The following MPP2 variants were observed in gnomAD, a reference collection of about 807,000 sequenced individuals.
The protein encoded by MPP2 is MAGUK p55 subfamily member 2.
A neutral mutation model predicts 58.5 loss-of-function variants in MPP2; 42 were observed. The observed-to-expected ratio is 0.72, with a 90% CI of 0.56 to 0.93. MPP2 has a LOEUF of 0.93. Ranked by LOEUF, MPP2 falls within the 40% of genes least tolerant of loss-of-function variation. The probability of loss-of-function intolerance (pLI) is 0.00; values close to 1 mark genes in which losing one functional copy is unlikely to be tolerated. For synonymous variants in MPP2, 300 were observed against 307.8 expected, an observed-to-expected ratio of 0.97 and a Z score of 0.26; for missense variants, 632 against 760.4, an observed-to-expected ratio of 0.83 and a Z score of 1.99.
chr17:43,879,727 A>G lies in MPP2; in HGVS notation c.1353+55T>C, dbSNP rs139554714. The G allele has an allele frequency of 1.2e-4, 191 of 1,587,112 alleles. No homozygotes were observed. In the African/African-American group the frequency reaches 2.3e-3, roughly 19 times the overall value. On this transcript the variant is annotated intron_variant, in intron 11 of 12. Coordinates refer to ENST00000269095, the MANE Select transcript of MPP2 (RefSeq NM_005374.5). The surrounding 1 kb of genome is among the most constrained non-coding windows in gnomAD (Gnocchi z 4.1). ...GGTGTCTGGAACTATATGGGGGAGC[A>G]ATGAGGCAGCAGAGAGGACATTGGG... is the stretch of plus-strand genomic sequence containing the variant.
chr17:43,905,545 G>C (rs1239022583), intron 1 of MPP2: 2 of 152,374 alleles, frequency 1.3e-5, no homozygotes, highest in African/African-American at 4.8e-5. Context: ...GAGGGCAGGG[G>C]GTTACCCCCC....
At chr17:43,906,298 C>T (rs1449947835) in intron 1 of MPP2, 1 of 225,928 alleles carries the variant, frequency 4.4e-6, no homozygotes, top group East Asian at 1.9e-4. Context: ...CCGTCCAAGC[C>T]TCTGAGAGGG....
chr17:43,882,794 G>A, intron 5 of MPP2, 109 bp downstream of exon 5: 1 of 1,494,956 alleles, frequency 6.7e-7, no homozygotes, highest in East Asian at 2.3e-5. Context: ...GCACAAAGCT[G>A]GCCCCATCTT....
chr17:43,904,597 A>G, intron 1 of MPP2, 104 bp from the exon 2 acceptor site: 1 of 937,018 alleles, frequency 1.1e-6, no homozygotes, highest in South Asian at 1.5e-5. Flanking sequence ...GTAGGGGAGA[A>G]GGTGCTGCCC....
upstream of MPP2, chr17:43,908,031 G>C: frequency 1.1e-6 from 1 of 948,548 alleles, no homozygotes; most frequent in Non-Finnish European, 1.3e-6. Flanking sequence ...GACTCAGAGG[G>C]TGGATATCCG....
rs1187105142 is a variant in MPP2, at chr17:43,882,296, A to C, written c.669T>G (p.His223Gln). Reference protein sequence around the residue: ...LKILPSYQEPHLPRQVFVKCH... With the variant: ...LKILPSYQEPQLPRQVFVKCH... ...GTGAGGGGCCCACCTGGCGGGGCAG[A>C]TGGGGCTCCTGGTAGCTGGGCAGGA... Residue 223 changes from histidine (H) to glutamine (Q), a missense_variant, in exon 6 of 13, where the codon CAT (histidine) becomes CAG (glutamine). By Grantham distance (24) the His-to-Gln change is conservative. Transcript: ENST00000269095. 6.2e-7 allele frequency: 1 copy of C among 1,610,746 alleles called. No homozygotes were observed. Among genetic ancestry groups the C allele is most frequent in the Non-Finnish European group, 8.5e-7 (1 of 1,179,460 alleles).
upstream of MPP2, chr17:43,909,550 C>A: frequency 2.1e-6 from 3 of 1,456,260 alleles, no homozygotes; most frequent in East Asian, 2.7e-5. Flanking sequence ...ACCTCCATAG[C>A]GACCCACATC....
Position 43,879,686 on chromosome 17 carries a change from G to C in MPP2, c.1353+96C>G, listed in dbSNP as rs534962852. ...AGTTGAGGGCAAAGGGGGTACATGG[G>C]CGTGTTCAGGTGACAGGTGTCTGGA... is the stretch of plus-strand genomic sequence containing the variant. On this transcript the variant is annotated intron_variant, in intron 11 of 12. Coordinates refer to ENST00000269095, the MANE Select transcript of MPP2 (RefSeq NM_005374.5). This position sits in a 1 kb window ranked among gnomAD's most constrained non-coding sequence, Gnocchi z 4.1. 3 of 1,378,370 alleles carry C rather than the reference G, an allele frequency of 2.2e-6. No homozygotes were observed. Among genetic ancestry groups the C allele is most frequent in the South Asian group, 1.3e-5 (1 of 79,402 alleles). The allele number at this position is 1,378,370 out of a possible 1,614,324, so 85.4% of individuals were successfully genotyped here.
Position 43,882,480 on chromosome 17 carries a change from A to G in MPP2, c.485T>C (p.Leu162Pro). ...CCCATGCAGAATGCGCGCGATCACC[A>G]GCTCGCCGCCCTCCACGCGGAACGT... ...GVTFRVEGGE[L>P]VIARILHGGM... Residue 162 changes from leucine to proline, a missense_variant, in exon 6 of 13, where the codon CTG (leucine) becomes CCG (proline). Leu to Pro is a moderately conservative substitution (Grantham distance 98). Transcript: ENST00000269095. The G allele has an allele frequency of 6.2e-7, 1 of 1,605,972 alleles. No individual in the cohort carries two copies.
Position 43,883,286 on chromosome 17 carries a change from T to C in MPP2, c.220A>G (p.Ile74Val). Residue 74 changes from isoleucine to valine, a missense_variant, in exon 4 of 13, where the codon ATC becomes GTC. Physicochemically the swap from Ile to Val is conservative, Grantham distance 29. Coordinates refer to ENST00000269095, the MANE Select transcript of MPP2 (RefSeq NM_005374.5). ...GCCAGCTGCGCCAGGTCCCGCAGGA[T>C]CTCCTGCACCAGCTCCAGGTTGTTG... is the stretch of plus-strand genomic sequence containing the variant. Reference protein sequence around the residue: ...RDNNLELVQEILRDLAQLAEQ... With the variant: ...RDNNLELVQEVLRDLAQLAEQ... The C allele has an allele frequency of 6.2e-7, 1 of 1,613,116 alleles. No homozygotes were observed. The highest frequency in any genetic ancestry group is 8.5e-7 in the Non-Finnish European group (1 of 1,179,852).
At position 43,881,235 on chromosome 17, in the gene MPP2, A is replaced by G. The variant is rs1421594220; in HGVS notation, c.919+9T>C. ...AGATTGGAGGTGTGGGGTAGGGGGG[A>G]CCTCCTACCTGAGTTTGGTGTCAGC... On this transcript the variant is annotated intron_variant, in intron 8 of 12. Transcript: ENST00000269095. The G allele has an allele frequency of 2.5e-6, 4 of 1,610,388 alleles. No homozygotes were observed. The highest frequency in any genetic ancestry group is 3.4e-6 in the Non-Finnish European group (4 of 1,177,620).
chr17:43,901,683 C>CA (rs1251913166), intron 2 of MPP2: 6 of 735,602 alleles, frequency 8.2e-6, no homozygotes, highest in Admixed American at 6.3e-5. Context: ...AGCCTTGATC[C>CA]AAAAAAGGGA....
chr17:43,893,403 G>A (rs1208268165), intron 3 of MPP2, among the ~76,000 whole-genome samples: 1 of 152,242 alleles, frequency 6.6e-6, no homozygotes, highest in East Asian at 1.9e-4. Flanking sequence ...ATATGAGGAT[G>A]TTCACTGCAG....
chr17:43,903,820 G>A lies in MPP2; in HGVS notation c.31+610C>T, dbSNP rs568896079. 6.6e-4 allele frequency among the ~76,000 whole-genome samples: 101 copies of A among 152,290 alleles called. 1 individual carries two copies. In the South Asian group the frequency reaches 0.02, roughly 30 times the overall value. On this transcript the variant is annotated intron_variant, in intron 2 of 12. Coordinates refer to ENST00000269095, the MANE Select transcript of MPP2 (RefSeq NM_005374.5). Reference sequence around the variant, plus strand: ...AGCCTCTTTACAGAAGAAGAAATGCGAGCTCCAAGAGGTTAAGCAGTTTGC... The same window carrying A: ...AGCCTCTTTACAGAAGAAGAAATGCAAGCTCCAAGAGGTTAAGCAGTTTGC...
chr17:43,901,142 A>G (rs2048081177), intron 2 of MPP2: 1 of 443,224 alleles, frequency 2.3e-6, no homozygotes, highest in African/African-American at 2.1e-5. Context: ...CTCCACCGGG[A>G]GGCAGCCTCA....
chr17:43,889,553 G>C (rs919271394), intron 3 of MPP2, among the ~76,000 whole-genome samples: 2 of 151,378 alleles, frequency 1.3e-5, no homozygotes, highest in Admixed American at 1.3e-4. Context: ...TAGAGACGGG[G>C]TTTCTCCATG....
chr17:43,883,970 TGTTAG>T, intron 3 of MPP2: 1 of 614,684 alleles, frequency 1.6e-6, no homozygotes, highest in Non-Finnish European at 2.9e-6. Context: ...CAGTGGGGAG[TGTTAG>T]GTTAGATGGG....
chr17:43,898,780 C>A (rs898192518), intron 2 of MPP2, among the ~76,000 whole-genome samples: 7 of 152,200 alleles, frequency 4.6e-5, no homozygotes, highest in African/African-American at 1.7e-4. Context: ...GCCTGGGCAA[C>A]AAGGCAAAAC....
rs1289542047 is a variant in MPP2 at position 43,883,357 on chromosome 17, T to TG, written c.151-3dup. 2 of 1,610,238 alleles carry TG rather than the reference T, an allele frequency of 1.2e-6. No individual in the cohort carries two copies. The highest frequency in any genetic ancestry group is 2.2e-5 in the South Asian group (2 of 90,850). On this transcript the variant is annotated splice_region_variant and splice_polypyrimidine_tract_variant and intron_variant, in intron 3 of 12. Coordinates refer to ENST00000269095, the MANE Select transcript of MPP2 (RefSeq NM_005374.5). The stretch of plus-strand genomic sequence containing the variant: ...CGTCTCCTCCAGCCTCTCATGGGCC[T>TG]GGGGGTGGAAGCAGAACAGGTGGGG...
Sources: gnomAD v4.1 joint callset for allele counts (sites outside exome capture counted in the v4.1 genomes callset) on GRCh38, gnomAD v4.1.1 for gene constraint, Gnocchi (gnomAD v3.1) non-coding constraint, MANE v1.5 for transcripts, NCBI Gene and HGNC (gene_info 2026-07-23, HGNC 2026-07-21) for gene names.